The following TRIOBP variants were observed in gnomAD, a reference collection of about 807,000 sequenced individuals.
The protein encoded by TRIOBP is TRIO and F-actin-binding protein.
A neutral mutation model predicts 238.8 loss-of-function variants in TRIOBP; 169 were observed. The ratio of observed to expected loss-of-function variants is 0.71; its 90% CI spans 0.62 to 0.80. TRIOBP has a LOEUF of 0.80. Among genes scored for constraint, TRIOBP ranks in the 30% least tolerant of loss-of-function variants. The probability of loss-of-function intolerance (pLI) is 0.00; values close to 1 mark genes in which losing one functional copy is unlikely to be tolerated. For synonymous variants in TRIOBP, 1,150 were observed against 1,274.4 expected (o/e 0.90, Z 2.08); for missense variants, 2,838 against 3,122.6 (o/e 0.91, Z 2.17).
intron 12 of TRIOBP, among the ~76,000 whole-genome samples, chr22:37,754,338 G>A (rs1367761112): frequency 2.0e-5 from 3 of 151,196 alleles, no homozygotes; most frequent in Non-Finnish European, 2.9e-5. Context: ...TTGAACTCAG[G>A]AGGAGGGGGA....
rs924546931 is a variant in TRIOBP, at chr22:37,774,209, T to G, written c.*429T>G. ...GTCTCCAGCCACCCTCTGCTTGGGC[T>G]TCTGAGCTGGTGGCCCTGGCCCAGA... On this transcript the variant is annotated 3_prime_UTR_variant, in exon 24 of 24. Transcript: ENST00000644935. The G allele has an allele frequency of 6.6e-6, 1 of 151,880 alleles. No homozygotes were observed. Among genetic ancestry groups the G allele is most frequent in the African/African-American group, 2.4e-5 (1 of 41,160 alleles). 9.4% of individuals were successfully genotyped at this position (151,880 alleles called of 1,614,324 possible). A position where few individuals can be genotyped will look rare whatever the true frequency, so the allele number is the denominator to read the frequency against.
In TRIOBP at chr22:37,736,040, A is replaced by G. The variant is rs369718729; in HGVS notation, c.5106+598A>G. ...CAGACACAGAGAAGAGGGTGCATCA[A>G]TGCTCACTGGGTTCAGCTAGCTGCC... is the stretch of plus-strand genomic sequence containing the variant. On this transcript the variant is annotated intron_variant, in intron 9 of 23. Transcript: ENST00000644935. Among the ~76,000 whole-genome samples, 12 of 152,330 alleles carry G rather than the reference A, an allele frequency of 7.9e-5. No individual in the cohort carries two copies. In the East Asian group the frequency reaches 1.2e-3, roughly 15 times the overall value.
rs1196145613 is a variant in TRIOBP at position 37,734,954 on chromosome 22, G to T, written c.4618G>T (p.Gly1540Trp). The T allele has an allele frequency of 9.9e-6, 16 of 1,613,354 alleles. No homozygotes were observed. Among genetic ancestry groups the T allele is most frequent in the Non-Finnish European group, 1.4e-5 (16 of 1,180,020 alleles). ...TGGGACACCCACTGCTGTGGGCTGG[G>T]GGGCAGAGGGAGCGTGTCCATACCC... ...HSGTPTAVGW[G>W]AEGACPYPRG... The change falls in exon 9 of 24, where the codon GGG becomes TGG. Residue 1540 changes from glycine (G) to tryptophan (W), a missense_variant. Physicochemically the swap from Gly to Trp is radical, Grantham distance 184. Coordinates refer to ENST00000644935, the MANE Select transcript of TRIOBP (RefSeq NM_001039141.3).
At chr22:37,721,001 G>A (rs937073019) in intron 6 of TRIOBP, among the ~76,000 whole-genome samples, 1 of 151,656 alleles carries the variant, frequency 6.6e-6, no homozygotes, top group African/African-American at 2.4e-5. Context: ...GGGATTACAG[G>A]CATGCACTAC....
chr22:37,750,245 A>G lies in TRIOBP; in HGVS notation c.5323-1527A>G, dbSNP rs117252454. ...CTGACAGCTTGTCATTCCTGCCCCA[A>G]TCTCCCAGCCCTGGCCCAGGGACTT... On this transcript the variant is annotated intron_variant, in intron 11 of 23. Transcript: ENST00000644935. Among the ~76,000 whole-genome samples the G allele has an allele frequency of 2.1e-4, 32 of 152,254 alleles. No homozygotes were observed. The East Asian group carries it at 5.2e-3, about 25-fold the overall frequency.
chr22:37,755,061 C>A (rs751381341), intron 13 of TRIOBP, 40 bp from the exon 14 acceptor site: 1 of 1,610,940 alleles, frequency 6.2e-7, no homozygotes, highest in East Asian at 2.2e-5. Context: ...GTGGGTCACA[C>A]CAGGGCCCAC....
intron 11 of TRIOBP, among the ~76,000 whole-genome samples, chr22:37,748,308 G>A (rs769992454): frequency 7.2e-5 from 11 of 152,150 alleles, no homozygotes; most frequent in Non-Finnish European, 1.5e-5. Flanking sequence ...CCTGGCCCCC[G>A]TGCCCTGAAT....
intron 2 of TRIOBP, among the ~76,000 whole-genome samples, chr22:37,699,129 G>C (rs1922511717): frequency 6.6e-6 from 1 of 152,136 alleles, no homozygotes; most frequent in Non-Finnish European, 1.5e-5. Flanking sequence ...CAGCCTAGGT[G>C]ACAGAGAGAG....
intron 19 of TRIOBP, 63 bp downstream of exon 19, chr22:37,768,239 G>T: frequency 7.2e-7 from 1 of 1,382,128 alleles, no homozygotes; most frequent in Non-Finnish European, 1.0e-6. Flanking sequence ...ACTTTGCTGA[G>T]GCCCCTTGGC....
chr22:37,736,161 G>A (rs1359665287), intron 9 of TRIOBP, among the ~76,000 whole-genome samples: 1 of 152,250 alleles, frequency 6.6e-6, no homozygotes, highest in Non-Finnish European at 1.5e-5. Context: ...TGGTGCTTTG[G>A]TGCTGCCTTG....
In TRIOBP at chr22:37,714,993, G is replaced by C. The variant is rs114100003; in HGVS notation, c.457-770G>C. Among the ~76,000 whole-genome samples the C allele has an allele frequency of 2.8e-3, 431 of 152,204 alleles. 1 individual carries two copies. The highest frequency in any genetic ancestry group is 9.9e-3 in the African/African-American group (412 of 41,536). On this transcript the variant is annotated intron_variant, in intron 5 of 23. Transcript: ENST00000644935. The stretch of plus-strand genomic sequence containing the variant: ...CTTGGGGACAGAACTTGACAGTTTA[G>C]GAAGTGCTTTTTATTTTTTATTTAA...
intron 2 of TRIOBP, 54 bp from the exon 3 acceptor site, chr22:37,701,252 C>G (rs1922629483): frequency 1.3e-6 from 1 of 798,508 alleles, no homozygotes; most frequent in Admixed American, 2.0e-5. Flanking sequence ...GGCTGGGGTT[C>G]AGGTGAGTGG....
intron 18 of TRIOBP, among the ~76,000 whole-genome samples, chr22:37,766,683 C>G (rs1569062336): frequency 6.6e-6 from 1 of 152,202 alleles, no homozygotes; most frequent in South Asian, 2.1e-4. Flanking sequence ...ACCAGAGGCC[C>G]GGTGCAGTGG....
At position 37,723,724 on chromosome 22, in the gene TRIOBP, G is replaced by A. The variant is rs1340535260; in HGVS notation, c.1168G>A (p.Ala390Thr). ...TPCVQQDDPRASSPNRTTQRE... is the reference protein window; with the variant it reads ...TPCVQQDDPRTSSPNRTTQRE... ...CTGTGTCCAGCAGGACGATCCCAGA[G>A]CCTCCTCTCCCAACAGAACCACTCA... The change falls in exon 7 of 24, where the codon GCC (alanine) becomes ACC (threonine). Residue 390 changes from alanine to threonine, a missense_variant. Physicochemically the swap from Ala to Thr is moderately conservative, Grantham distance 58. Coordinates refer to ENST00000644935, the MANE Select transcript of TRIOBP (RefSeq NM_001039141.3). 3 of 1,604,858 alleles carry A rather than the reference G, an allele frequency of 1.9e-6. No individual in the cohort carries two copies. Among genetic ancestry groups the A allele is most frequent in the Non-Finnish European group, 2.6e-6 (3 of 1,174,796 alleles).
intron 17 of TRIOBP, among the ~76,000 whole-genome samples, chr22:37,762,535 G>A (rs1305496194): frequency 1.3e-5 from 2 of 152,272 alleles, no homozygotes; most frequent in East Asian, 3.8e-4. Context: ...TGTGTCTGGA[G>A]TTCAGGCGGT....
At chr22:37,717,534 A>G (rs1394600861) in intron 6 of TRIOBP, among the ~76,000 whole-genome samples, 22 of 152,168 alleles carry the variant, frequency 1.4e-4, no homozygotes, top group Non-Finnish European at 2.5e-4. Context: ...AAGGTTCTCC[A>G]CATCCCCACT....
chr22:37,741,016 T>C lies in TRIOBP; in HGVS notation c.5306T>C (p.Val1769Ala). 1.3e-6 allele frequency: 2 copies of C among 1,561,416 alleles called. No homozygotes were observed. The highest frequency in any genetic ancestry group is 1.7e-6 in the Non-Finnish European group (2 of 1,152,460). Residue 1769 changes from valine to alanine, a missense_variant, in exon 11 of 24, where the codon GTC (valine) becomes GCC (alanine). Val to Ala is a moderately conservative substitution (Grantham distance 64). This residue lies in a region of TRIOBP where 2,096 missense variants were observed against 2,137.4 expected (regional missense o/e 0.98). Transcript: ENST00000644935. The part of the protein sequence containing the change: ...LFNPFLLSLG[V>A]LRWRRPDLLN... ...AATCCGTTCCTGCTGTCTCTGGGGG[T>C]CCTCAGGTGGCGAAGGGTAGGCTGG...
At chr22:37,700,234 G>C (rs1922573953) in intron 2 of TRIOBP, among the ~76,000 whole-genome samples, 1 of 150,798 alleles carries the variant, frequency 6.6e-6, no homozygotes, top group Non-Finnish European at 1.5e-5. Context: ...GATTCTAACT[G>C]TGTGAATTGG....
At chr22:37,719,962 C>CCACACTGCACTCACCGTTTCACTCAT (rs1923732565) in intron 6 of TRIOBP, among the ~76,000 whole-genome samples, 1 of 54,808 alleles carries the variant, frequency 1.8e-5, no homozygotes, top group African/African-American at 5.0e-5. Context: ...ACCTCAGGCC[C>CCACACTGCACTCACCGTTTCACTCAT]CACACTGCAC....
Sources: allele counts gnomAD v4.1 joint callset (sites outside exome capture counted in the v4.1 genomes callset), GRCh38; gene constraint gnomAD v4.1.1; regional missense constraint gnomAD v4.1.1; transcripts MANE v1.5; gene names NCBI Gene and HGNC (gene_info 2026-07-23, HGNC 2026-07-21).